CNNM2: variants seen among roughly 807,000 people sequenced by gnomAD.
CNNM2 encodes the protein metal transporter CNNM2.
CNNM2 carries 12 observed loss-of-function variants against 66.9 expected under a neutral mutation model. That is an observed-to-expected ratio of 0.18 (90% confidence interval 0.11 to 0.29). CNNM2 has a LOEUF of 0.29. Among genes scored for constraint, CNNM2 ranks in the 10% least tolerant of loss-of-function variants. The pLI is 1.00. For missense variants in CNNM2, 705 were observed against 1,167.7 expected (o/e 0.60, Z 5.77); for synonymous variants, 557 against 501.8 (o/e 1.11, Z -1.47).
At position 103,081,376 on chromosome 10, in the gene CNNM2, G is replaced by A. The variant is rs2065755921; in HGVS notation, c.*4196G>A. The A allele has an allele frequency of 1.3e-5, 2 of 152,208 alleles. No homozygotes were observed. Among genetic ancestry groups the A allele is most frequent in the Admixed American group, 6.5e-5 (1 of 15,280 alleles). The allele number at this position is 152,208 out of a possible 1,614,324, so 9.4% of individuals were successfully genotyped here. A position where few individuals can be genotyped will look rare whatever the true frequency, so the allele number is the denominator to read the frequency against. On this transcript the variant is annotated 3_prime_UTR_variant, in exon 8 of 8. Transcript: ENST00000369878. ...TGGGCTCTAGGCTAGTGGTGCTTCTGTCCATCAAGGGTATCTGGGTGAGTT... is the reference window on the plus strand; with the variant it reads ...TGGGCTCTAGGCTAGTGGTGCTTCTATCCATCAAGGGTATCTGGGTGAGTT...
intron 1 of CNNM2, among the ~76,000 whole-genome samples, chr10:102,967,120 T>TA (rs1255366230): frequency 6.6e-6 from 1 of 152,126 alleles, no homozygotes; most frequent in Non-Finnish European, 1.5e-5. Context: ...CTACGTTTTT[T>TA]AAAAAATTTC....
At chr10:102,996,414 ACTT>A (rs1054091160) in intron 1 of CNNM2, among the ~76,000 whole-genome samples, 12 of 152,100 alleles carry the variant, frequency 7.9e-5, no homozygotes, top group Non-Finnish European at 2.9e-5. Flanking sequence ...TGCAATTAAG[ACTT>A]CTTTGGGCCA....
At chr10:102,945,180 T>A (rs983013178) in intron 1 of CNNM2, among the ~76,000 whole-genome samples, 1 of 152,152 alleles carries the variant, frequency 6.6e-6, no homozygotes, top group African/African-American at 2.4e-5. Context: ...TTGTCTATAG[T>A]AACCTGTTTC....
intron 1 of CNNM2, among the ~76,000 whole-genome samples, chr10:102,931,341 T>C (rs1180540472): frequency 1.4e-5 from 2 of 147,084 alleles, no homozygotes; most frequent in Non-Finnish European, 3.0e-5. Context: ...AGTGTGGACA[T>C]GTATTTCCTT....
intron 1 of CNNM2, among the ~76,000 whole-genome samples, chr10:102,969,271 TG>T (rs757815381): frequency 9.2e-5 from 14 of 151,910 alleles, no homozygotes; most frequent in Non-Finnish European, 1.8e-4. Flanking sequence ...TGGAGTGCAA[TG>T]GGGCAATCTC....
At chr10:102,997,475 G>A (rs533655168) in intron 1 of CNNM2, among the ~76,000 whole-genome samples, 1 of 152,232 alleles carries the variant, frequency 6.6e-6, no homozygotes, top group Admixed American at 6.5e-5. Flanking sequence ...TATTGAATAT[G>A]TATAAAAGTT....
chr10:102,923,220 C>T (rs1845721805), intron 1 of CNNM2, among the ~76,000 whole-genome samples: 1 of 151,898 alleles, frequency 6.6e-6, no homozygotes, highest in Admixed American at 6.6e-5. Flanking sequence ...TACCAGGAAA[C>T]TCTTGGCTTT....
rs2066108133 is a variant in CNNM2 at position 103,089,283 on chromosome 10, AATTTGTAACATT to A, written c.*12105_*12116del. 1 of 229,582 alleles carries A rather than the reference AATTTGTAACATT, an allele frequency of 4.4e-6. No individual in the cohort carries two copies. The highest frequency in any genetic ancestry group is 2.2e-5 in the African/African-American group (1 of 45,032). 14.2% of individuals were successfully genotyped at this position (229,582 alleles called of 1,614,324 possible). A position where few individuals can be genotyped will look rare whatever the true frequency, so the allele number is the denominator to read the frequency against. ...AAGTTGGACCTTGGAGTAATAGCAC[AATTTGTAACATT>A]ACAGATCACCTCTTCCCACTCTTTG... On this transcript the variant is annotated 3_prime_UTR_variant, in exon 8 of 8. Coordinates refer to ENST00000369878, the MANE Select transcript of CNNM2 (RefSeq NM_017649.5).
chr10:103,064,982 C>T (rs1046431053), intron 4 of CNNM2, among the ~76,000 whole-genome samples: 24 of 152,178 alleles, frequency 1.6e-4, no homozygotes, highest in African/African-American at 5.8e-4. Context: ...CTAGGAATCA[C>T]TGAGCTTAGC....
intron 1 of CNNM2, among the ~76,000 whole-genome samples, chr10:103,048,815 G>A (rs1226412918): frequency 1.3e-5 from 2 of 152,148 alleles, no homozygotes; most frequent in Non-Finnish European, 2.9e-5. Flanking sequence ...CAAAAGACAT[G>A]TACTCAGGTC....
At position 102,950,981 on chromosome 10, in the gene CNNM2, C is replaced by CTTTT. The variant is rs34870588; in HGVS notation, c.1621+30901_1621+30904dup. On this transcript the variant is annotated intron_variant, in intron 1 of 7. Coordinates refer to ENST00000369878, the MANE Select transcript of CNNM2 (RefSeq NM_017649.5). ...GGGGCAATAGGAATTCTTTCTTTCT[C>CTTTT]TTTTTTTTTTTTTTTTTTTTTTTTG... 7.7e-4 allele frequency among the ~76,000 whole-genome samples: 62 copies of CTTTT among 80,492 alleles called. 1 individual carries two copies. Among genetic ancestry groups the CTTTT allele is most frequent in the East Asian group, 1.2e-3 (3 of 2,436 alleles). The allele number at this position is 80,492 out of a possible 152,430, so 52.8% of individuals were successfully genotyped here. A position where few individuals can be genotyped will look rare whatever the true frequency, so the allele number is the denominator to read the frequency against.
Position 103,022,906 on chromosome 10 carries a change from CTT to C in CNNM2, c.1622-26799_1622-26798del, listed in dbSNP as rs568694561. Among the ~76,000 whole-genome samples the C allele has an allele frequency of 1.9e-4, 28 of 147,828 alleles. 1 individual carries two copies. The South Asian group carries it at 4.0e-3, about 21-fold the overall frequency. On this transcript the variant is annotated intron_variant, in intron 1 of 7. Coordinates refer to ENST00000369878, the MANE Select transcript of CNNM2 (RefSeq NM_017649.5). ...GAGAAAGGAGGAGAAGGTTCAGACT[CTT>C]TATTTTTTTTTGAGACAGGGTCTTA...
intron 5 of CNNM2, among the ~76,000 whole-genome samples, chr10:103,069,948 T>C (rs1216537563): frequency 6.6e-6 from 1 of 152,196 alleles, no homozygotes; most frequent in Non-Finnish European, 1.5e-5. Flanking sequence ...TTCTGTGACA[T>C]TGGTCTTCAT....
intron 1 of CNNM2, among the ~76,000 whole-genome samples, chr10:102,949,320 C>T (rs937020263): frequency 6.6e-6 from 1 of 152,028 alleles, no homozygotes; most frequent in Non-Finnish European, 1.5e-5. Flanking sequence ...GGATTACAGG[C>T]ACATGCCACC....
Position 102,919,135 on chromosome 10 carries a change from G to T in CNNM2, c.655G>T (p.Gly219Trp), listed in dbSNP as rs1274273622. 6.2e-7 allele frequency: 1 copy of T among 1,609,832 alleles called. No individual in the cohort carries two copies. The highest frequency in any genetic ancestry group is 1.7e-5 in the Admixed American group (1 of 59,818). ...GGAVGGKGGS[G>W]VAGLPPPPWA... ...CGCCGTCGGGGGCAAGGGTGGCTCGGGGGTGGCCGGGCTCCCGCCGCCCCC... is the reference window on the plus strand; with the variant it reads ...CGCCGTCGGGGGCAAGGGTGGCTCGTGGGTGGCCGGGCTCCCGCCGCCCCC... Residue 219 changes from glycine to tryptophan, a missense_variant, in exon 1 of 8, where the codon GGG (glycine) becomes TGG (tryptophan). Physicochemically the swap from Gly to Trp is radical, Grantham distance 184. This residue lies in a region of CNNM2 where 100 missense variants were observed against 151.9 expected (regional missense o/e 0.66). Transcript: ENST00000369878.
chr10:102,961,980 A>C (rs2063387670), intron 1 of CNNM2, among the ~76,000 whole-genome samples: 1 of 152,228 alleles, frequency 6.6e-6, no homozygotes, highest in Non-Finnish European at 1.5e-5. Context: ...ACTTGAAATA[A>C]GGCACTTACT....
intron 4 of CNNM2, among the ~76,000 whole-genome samples, chr10:103,068,055 C>G (rs1363231230): frequency 2.0e-5 from 3 of 152,252 alleles, no homozygotes; most frequent in Admixed American, 1.3e-4. Context: ...AGCCCCGGCC[C>G]TGGCTCCTTG....
chr10:103,030,257 G>T (rs1489854563), intron 1 of CNNM2, among the ~76,000 whole-genome samples: 1 of 152,168 alleles, frequency 6.6e-6, no homozygotes, highest in Non-Finnish European at 1.5e-5. Flanking sequence ...GGAAGTTATG[G>T]AAGAATTTTA....
At position 103,080,462 on chromosome 10, in the gene CNNM2, A is replaced by G. The variant is rs1440607920; in HGVS notation, c.*3282A>G. On this transcript the variant is annotated 3_prime_UTR_variant, in exon 8 of 8. Transcript: ENST00000369878. ...TACACAGATATCGGGGTGCTAATCA[A>G]CTGGCTTAAATCTTGATTCTTACAT... The G allele has an allele frequency of 1.3e-5, 2 of 152,214 alleles. No individual in the cohort carries two copies. The highest frequency in any genetic ancestry group is 2.4e-5 in the African/African-American group (1 of 41,446). 9.4% of individuals were successfully genotyped at this position (152,214 alleles called of 1,614,324 possible).
Sources: allele counts gnomAD v4.1 joint callset (sites outside exome capture counted in the v4.1 genomes callset), GRCh38; gene constraint gnomAD v4.1.1; regional missense constraint gnomAD v4.1.1; transcripts MANE v1.5; gene names NCBI Gene and HGNC (gene_info 2026-07-23, HGNC 2026-07-21).